The following TENM2 variants were observed in gnomAD, a reference collection of about 807,000 sequenced individuals.
TENM2 encodes the protein teneurin-2.
TENM2 carries 52 observed loss-of-function variants against 245.2 expected under a neutral mutation model. The observed-to-expected ratio is 0.21, with a 90% CI of 0.17 to 0.27. TENM2 has a LOEUF of 0.27. TENM2 is among the 10% of genes least tolerant of loss of function. The pLI is 1.00. For missense variants in TENM2, 3,046 were observed against 3,666.8 expected, an observed-to-expected ratio of 0.83 and a Z score of 4.37; for synonymous variants, 1,363 against 1,438.9, an observed-to-expected ratio of 0.95 and a Z score of 1.19.
chr5:167,140,872 C>T, the TENM2 span, among the ~76,000 whole-genome samples: 1 of 152,136 alleles, frequency 6.6e-6, no homozygotes, highest in African/African-American at 2.4e-5. Flanking sequence ...AGACCAAGAA[C>T]AAACACTTAG....
chr5:167,129,661 A>C, the TENM2 span, among the ~76,000 whole-genome samples: 1 of 152,158 alleles, frequency 6.6e-6, no homozygotes, highest in African/African-American at 2.4e-5. Context: ...AAATGAGGTG[A>C]TGCATGGGAA....
At chr5:167,531,805 G>A (rs1186591013) in intron 2 of TENM2, among the ~76,000 whole-genome samples, 3 of 152,084 alleles carry the variant, frequency 2.0e-5, no homozygotes, top group Non-Finnish European at 4.4e-5. Flanking sequence ...TAGCTTTCTT[G>A]TAATAAATAA....
the TENM2 span, among the ~76,000 whole-genome samples, chr5:167,115,756 G>T: frequency 2.6e-5 from 4 of 152,176 alleles, no homozygotes; most frequent in African/African-American, 4.8e-5. Flanking sequence ...GGGAAAAAAA[G>T]AATTTTAATT....
intron 9 of TENM2, among the ~76,000 whole-genome samples, chr5:168,105,260 G>T (rs571135128): frequency 6.6e-6 from 1 of 152,288 alleles, no homozygotes; most frequent in African/African-American, 2.4e-5. Flanking sequence ...ACATGCAGAG[G>T]GCTGTGTAGG....
At chr5:167,520,063 A>T (rs916084570) in intron 2 of TENM2, among the ~76,000 whole-genome samples, 3 of 152,180 alleles carry the variant, frequency 2.0e-5, no homozygotes, top group Admixed American at 6.5e-5. Flanking sequence ...GCTAAATGGG[A>T]CCTAAACATT....
chr5:167,821,900 C>T (rs1488983619), intron 2 of TENM2, among the ~76,000 whole-genome samples: 1 of 152,068 alleles, frequency 6.6e-6, no homozygotes, highest in South Asian at 2.1e-4. Context: ...GTCTCAAAAG[C>T]CCCGCGTACT....
chr5:167,468,961 T>C (rs1766840706), intron 2 of TENM2, among the ~76,000 whole-genome samples: 2 of 152,206 alleles, frequency 1.3e-5, no homozygotes, highest in African/African-American at 2.4e-5. Context: ...ATGCCACTTG[T>C]AAACATCTCT....
chr5:167,580,546 C>T (rs1775015899), intron 2 of TENM2, among the ~76,000 whole-genome samples: 1 of 152,206 alleles, frequency 6.6e-6, no homozygotes, highest in African/African-American at 2.4e-5. Context: ...CTCTTAGATA[C>T]CACAAGGAGG....
chr5:168,198,722 T>C, intron 15 of TENM2, 131 bp from the exon 18 acceptor site: 1 of 1,178,166 alleles, frequency 8.5e-7, no homozygotes, highest in Non-Finnish European at 1.2e-6. Flanking sequence ...CAGCCCCACC[T>C]GTCTGCCTCC....
At position 167,776,940 on chromosome 5, in the gene TENM2, T is replaced by C. The variant is rs559702479; in HGVS notation, c.503-99046T>C. Reference sequence around the variant, plus strand: ...TTTGTAGCAATTTGCATGCATTGAATGTTTTTCAAAAGACTGAACTTAAGA... The same window carrying C: ...TTTGTAGCAATTTGCATGCATTGAACGTTTTTCAAAAGACTGAACTTAAGA... On this transcript the variant is annotated intron_variant, in intron 2 of 28. Coordinates refer to ENST00000518659, the Ensembl canonical transcript of TENM2. Among the ~76,000 whole-genome samples the C allele has an allele frequency of 3.6e-4, 55 of 152,344 alleles. 1 individual carries two copies. In the South Asian group the frequency reaches 0.011, roughly 31 times the overall value.
At chr5:167,484,098 G>A (rs1767921954) in intron 2 of TENM2, among the ~76,000 whole-genome samples, 1 of 152,152 alleles carries the variant, frequency 6.6e-6, no homozygotes, top group South Asian at 2.1e-4. Flanking sequence ...TGTAATCCCA[G>A]CCCTTTGGGA....
At chr5:167,485,461 A>G (rs990032517) in intron 2 of TENM2, among the ~76,000 whole-genome samples, 1 of 152,246 alleles carries the variant, frequency 6.6e-6, no homozygotes, top group African/African-American at 2.4e-5. Flanking sequence ...CTTTAAAAGC[A>G]TAAAAGCAAC....
At chr5:167,834,422 G>A (rs1768784924) in intron 2 of TENM2, among the ~76,000 whole-genome samples, 1 of 152,172 alleles carries the variant, frequency 6.6e-6, no homozygotes, top group African/African-American at 2.4e-5. Flanking sequence ...TTCAAAGCAA[G>A]CTTAGGAAGT....
At chr5:167,093,729 G>T in the TENM2 span, among the ~76,000 whole-genome samples, 1 of 152,164 alleles carries the variant, frequency 6.6e-6, no homozygotes, top group Non-Finnish European at 1.5e-5. Flanking sequence ...AAGCTGTGTG[G>T]ACTCCTTAGG....
At chr5:167,882,304 G>A (rs1016366424) in intron 3 of TENM2, among the ~76,000 whole-genome samples, 1 of 152,178 alleles carries the variant, frequency 6.6e-6, no homozygotes, top group African/African-American at 2.4e-5. Context: ...CTCAGGAGGG[G>A]CTAAGGAACT....
chr5:167,940,419 A>G (rs1013473736), intron 3 of TENM2, among the ~76,000 whole-genome samples: 9 of 152,210 alleles, frequency 5.9e-5, no homozygotes, highest in Non-Finnish European at 7.3e-5. Context: ...TTTTTAAAAA[A>G]TGGGTGCCAG....
chr5:167,666,352 G>A (rs979260378), intron 2 of TENM2, among the ~76,000 whole-genome samples: 1 of 152,132 alleles, frequency 6.6e-6, no homozygotes, highest in Non-Finnish European at 1.5e-5. Context: ...CAAACGAAGT[G>A]CACTCATGTT....
intron 2 of TENM2, among the ~76,000 whole-genome samples, chr5:167,377,715 G>C (rs1368638446): frequency 6.6e-6 from 1 of 152,096 alleles, no homozygotes; most frequent in Non-Finnish European, 1.5e-5. Context: ...GACAAATTCT[G>C]TTTAGCTCAC....
chr5:167,171,064 G>A, the TENM2 span, among the ~76,000 whole-genome samples: 1 of 152,110 alleles, frequency 6.6e-6, no homozygotes, highest in South Asian at 2.1e-4. Flanking sequence ...TTCTCTATCC[G>A]GGTGATTGCA....
Sources: gnomAD v4.1 joint callset for allele counts (sites outside exome capture counted in the v4.1 genomes callset) on GRCh38, gnomAD v4.1.1 for gene constraint, MANE v1.5 for transcripts, NCBI Gene and HGNC (gene_info 2026-07-23, HGNC 2026-07-21) for gene names.